The following FOXP4 variants were observed in gnomAD, a reference collection of about 807,000 sequenced individuals.
The protein encoded by FOXP4 is forkhead box P4.
Under a neutral mutation model 82.6 loss-of-function variants are expected in FOXP4, and 25 were observed. That is an observed-to-expected ratio of 0.30 (90% CI 0.22 to 0.42). The LOEUF (loss-of-function observed/expected upper bound fraction) is 0.42, where lower values mean the gene tolerates loss of function less well. Among genes scored for constraint, FOXP4 ranks in the 10% least tolerant of loss-of-function variants. The pLI, the probability that FOXP4 is intolerant of heterozygous loss-of-function variation, is 1.00. For synonymous variants in FOXP4, 415 were observed against 388.2 expected (o/e 1.07, Z -0.81); for missense variants, 785 against 900.9 (o/e 0.87, Z 1.65).
In FOXP4 at chr6:41,558,485, T is replaced by C. The variant is rs1373766725; in HGVS notation, c.-16-7260T>C. ...CTAAACATCTTCCTCATGCAGTGTG[T>C]CTTATTTGATACCACTGCAACCCTG... On this transcript the variant is annotated intron_variant, in intron 1 of 16. Coordinates refer to ENST00000307972, the MANE Select transcript of FOXP4 (RefSeq NM_001012426.2). The surrounding 1 kb of genome is among the most constrained non-coding windows in gnomAD (Gnocchi z 4.0). Among the ~76,000 whole-genome samples, 1 of 152,200 alleles carries C rather than the reference T, an allele frequency of 6.6e-6. No individual in the cohort carries two copies. The highest frequency in any genetic ancestry group is 1.9e-4 in the East Asian group (1 of 5,196).
intron 2 of FOXP4, among the ~76,000 whole-genome samples, chr6:41,569,266 G>A (rs758857867): frequency 5.1e-4 from 78 of 152,238 alleles, no homozygotes; most frequent in Admixed American, 4.2e-3. Context: ...ACTGGGCTCC[G>A]TGCCGGCCAG....
chr6:41,570,208 C>G, intron 2 of FOXP4: 1 of 432,566 alleles, frequency 2.3e-6, no homozygotes, highest in Non-Finnish European at 4.9e-6. Context: ...TGTTTCCTGT[C>G]TGATCCCACA....
At chr6:41,552,377 C>T (rs1262376675) in intron 1 of FOXP4, among the ~76,000 whole-genome samples, 1 of 152,042 alleles carries the variant, frequency 6.6e-6, no homozygotes, top group Admixed American at 6.5e-5. Context: ...GAGCAAAGCG[C>T]CAGGCTTTTT....
chr6:41,585,298 G>A (rs1442651823), intron 4 of FOXP4, 133 bp from the exon 5 acceptor site: 1 of 909,550 alleles, frequency 1.1e-6, no homozygotes, highest in Non-Finnish European at 1.7e-6. Context: ...GGCCCCTCCA[G>A]GCTGACTGGG....
At chr6:41,565,577 G>A (rs1764826493) in intron 1 of FOXP4, among the ~76,000 whole-genome samples, 168 bp from the exon 2 acceptor site, 1 of 152,132 alleles carries the variant, frequency 6.6e-6, no homozygotes, top group African/African-American at 2.4e-5. Context: ...GGGGACATCG[G>A]GAGGAGCCAC....
chr6:41,550,258 C>T (rs1294331490), intron 1 of FOXP4, among the ~76,000 whole-genome samples: 1 of 152,170 alleles, frequency 6.6e-6, no homozygotes, highest in African/African-American at 2.4e-5. Flanking sequence ...AATTTTCTTA[C>T]ATTGTAAAGT....
rs1025465661 is a variant in FOXP4 at position 41,587,585 on chromosome 6, C to T, written c.872+73C>T. On this transcript the variant is annotated intron_variant, in intron 7 of 16. Transcript: ENST00000307972. ...AGACCTGGCCCCCCACCCATGAGGG[C>T]TGACTGTGAGGGAGGGGGTGGAGCC... The T allele has an allele frequency of 4.7e-6, 6 of 1,283,868 alleles. No homozygotes were observed. The African/African-American group carries it at 9.0e-5, about 19-fold the overall frequency. 79.5% of individuals were successfully genotyped at this position (1,283,868 alleles called of 1,614,324 possible).
Position 41,558,245 on chromosome 6 carries a change from G to C in FOXP4, c.-16-7500G>C, listed in dbSNP as rs1365316195. On this transcript the variant is annotated intron_variant, in intron 1 of 16. Coordinates refer to ENST00000307972, the MANE Select transcript of FOXP4 (RefSeq NM_001012426.2). This position sits in a 1 kb window ranked among gnomAD's most constrained non-coding sequence, Gnocchi z 4.0. ...GAGAAACTGCTGGCACGATCAGGGAGCCAAGCAGTGCGTGACTCACATCAC... is the reference window on the plus strand; with the variant it reads ...GAGAAACTGCTGGCACGATCAGGGACCCAAGCAGTGCGTGACTCACATCAC... Among the ~76,000 whole-genome samples, 4 of 152,358 alleles carry C rather than the reference G, an allele frequency of 2.6e-5. No individual in the cohort carries two copies. The highest frequency in any genetic ancestry group is 5.9e-5 in the Non-Finnish European group (4 of 68,034).
chr6:41,562,861 G>A (rs1764665971), intron 1 of FOXP4, among the ~76,000 whole-genome samples: 1 of 152,242 alleles, frequency 6.6e-6, no homozygotes, highest in Non-Finnish European at 1.5e-5. Context: ...GGCCCAAGTG[G>A]GGGAAGGTGC....
At chr6:41,554,139 C>T (rs1427823600) in intron 1 of FOXP4, among the ~76,000 whole-genome samples, 4 of 152,168 alleles carry the variant, frequency 2.6e-5, no homozygotes, top group Non-Finnish European at 5.9e-5. Flanking sequence ...GTAATTATCA[C>T]TCTCATTTGA....
At chr6:41,586,891 A>G (rs935339001) in intron 5 of FOXP4, 118 bp from the exon 6 acceptor site, 5 of 1,429,238 alleles carry the variant, frequency 3.5e-6, no homozygotes, top group East Asian at 2.5e-5. Flanking sequence ...CAGACGCCAC[A>G]ACGACAGCTC....
chr6:41,585,384 G>A, intron 4 of FOXP4, 47 bp from the exon 5 acceptor site: 2 of 1,592,534 alleles, frequency 1.3e-6, no homozygotes, highest in Non-Finnish European at 8.6e-7. Flanking sequence ...CTGGGGTTGT[G>A]GGGATAGCAG....
At chr6:41,588,534 T>C in intron 8 of FOXP4, 110 bp from the exon 9 acceptor site, 1 of 1,046,858 alleles carries the variant, frequency 9.6e-7, no homozygotes. Context: ...TTTGTATCTC[T>C]TGGTCTGTCT....
intron 9 of FOXP4, among the ~76,000 whole-genome samples, chr6:41,589,488 A>T (rs1446472767): frequency 6.6e-6 from 1 of 152,224 alleles, no homozygotes; most frequent in African/African-American, 2.4e-5. Context: ...CCCAACATGT[A>T]GAGGCAGGGA....
chr6:41,591,347 T>G lies in FOXP4; in HGVS notation c.1536+25T>G. On this transcript the variant is annotated intron_variant, in intron 13 of 16. Coordinates refer to ENST00000307972, the MANE Select transcript of FOXP4 (RefSeq NM_001012426.2). This position sits in a 1 kb window ranked among gnomAD's most constrained non-coding sequence, Gnocchi z 4.2. ...GGTGAAGCAGGCCCCTTCCACCTTC[T>G]GGGCCCCAGTCACCCTTGGACCTGC... 6.4e-7 allele frequency: 1 copy of G among 1,552,528 alleles called. No individual in the cohort carries two copies. The highest frequency in any genetic ancestry group is 8.8e-7 in the Non-Finnish European group (1 of 1,141,056).
chr6:41,554,722 T>C (rs1476334643), intron 1 of FOXP4, among the ~76,000 whole-genome samples: 1 of 152,118 alleles, frequency 6.6e-6, no homozygotes. Context: ...TAGCCGGGCG[T>C]GGTGGCAGGC....
In FOXP4 at chr6:41,565,757, C is replaced by T. The variant is rs200119143; in HGVS notation, c.-4C>T. On this transcript the variant is annotated 5_prime_UTR_variant, in exon 2 of 17. Transcript: ENST00000307972. ...CTTCCTCCTCCAGGTACCGCTAGAG[C>T]GACATGATGGTGGAATCTGCCTCGG... 1.5e-5 allele frequency: 24 copies of T among 1,594,970 alleles called. No homozygotes were observed. The highest frequency in any genetic ancestry group is 1.7e-5 in the Non-Finnish European group (20 of 1,167,220).
At chr6:41,584,423 C>T (rs1327895020) in intron 3 of FOXP4, among the ~76,000 whole-genome samples, 1 of 152,260 alleles carries the variant, frequency 6.6e-6, no homozygotes, top group African/African-American at 2.4e-5. Context: ...AGTGTCACTA[C>T]AGCCTAATCT....
At chr6:41,590,531 G>T (rs1368966750) in intron 12 of FOXP4, among the ~76,000 whole-genome samples, 184 bp downstream of exon 12, 2 of 152,160 alleles carry the variant, frequency 1.3e-5, no homozygotes, top group Non-Finnish European at 1.5e-5. Flanking sequence ...CTGTCAGCCT[G>T]CTGCATAGGG....
Sources: gnomAD v4.1 joint callset for allele counts (sites outside exome capture counted in the v4.1 genomes callset) on GRCh38, gnomAD v4.1.1 for gene constraint, Gnocchi (gnomAD v3.1) non-coding constraint, MANE v1.5 for transcripts, NCBI Gene and HGNC (gene_info 2026-07-23, HGNC 2026-07-21) for gene names.